The following PES1 variants were observed in gnomAD, a reference collection of about 807,000 sequenced individuals.
The protein encoded by PES1 is pescadillo ribosomal biogenesis factor 1, also known as pescadillo homolog.
A neutral mutation model predicts 77.1 loss-of-function variants in PES1; 31 were observed. The observed-to-expected ratio is 0.40, with a 90% confidence interval of 0.30 to 0.54. The LOEUF (loss-of-function observed/expected upper bound fraction) is 0.54, where lower values mean the gene tolerates loss of function less well. Ranked by LOEUF, PES1 falls within the 20% of genes least tolerant of loss-of-function variation. The probability of loss-of-function intolerance (pLI) is 0.45; values close to 1 mark genes in which losing one functional copy is unlikely to be tolerated. For synonymous variants in PES1, 282 were observed against 303.0 expected, an observed-to-expected ratio of 0.93 and a Z score of 0.72; for missense variants, 658 against 771.7, an observed-to-expected ratio of 0.85 and a Z score of 1.75.
upstream of PES1, among the ~76,000 whole-genome samples, chr22:30,596,036 T>C (rs890943999): frequency 1.3e-5 from 2 of 152,208 alleles, no homozygotes; most frequent in African/African-American, 4.8e-5. Flanking sequence ...GGACGCTAGC[T>C]GGCTACATAT....
rs2086969667 is a variant in PES1, at chr22:30,580,668, C to T, written c.946G>A (p.Glu316Lys). The stretch of plus-strand genomic sequence containing the variant: ...TTGTGCTTCTCCTGCGCCTCCAGCT[C>T]CTTCCTGCGGTCTTCCTCCTGCGCT... Reference protein sequence around the residue: ...MSAQEEDRRKELEAQEKHKKL... With the variant: ...MSAQEEDRRKKLEAQEKHKKL... Residue 316 changes from glutamate (E) to lysine (K), a missense_variant, in exon 10 of 15, where the codon GAG (glutamate) becomes AAG (lysine). Physicochemically the swap from Glu to Lys is moderately conservative, Grantham distance 56. Transcript: ENST00000354694. 1.2e-6 allele frequency: 2 copies of T among 1,613,534 alleles called. No homozygotes were observed. Among genetic ancestry groups the T allele is most frequent in the Non-Finnish European group, 1.7e-6 (2 of 1,180,022 alleles).
intron 7 of PES1, 47 bp from the exon 8 acceptor site, chr22:30,581,455 C>T (rs2086986602): frequency 6.2e-7 from 1 of 1,606,342 alleles, no homozygotes; most frequent in East Asian, 2.2e-5. Context: ...GCCACAGCCC[C>T]TCGCCTCTGT....
intron 2 of PES1, among the ~76,000 whole-genome samples, chr22:30,602,490 G>C (rs939930145): frequency 2.1e-5 from 3 of 144,072 alleles, no homozygotes; most frequent in East Asian, 2.0e-4. Context: ...CCAACGTGCT[G>C]CGATTACAGG....
intron 1 of PES1, among the ~76,000 whole-genome samples, chr22:30,591,176 G>C (rs1213265435): frequency 2.6e-5 from 4 of 152,090 alleles, no homozygotes; most frequent in Non-Finnish European, 5.9e-5. Flanking sequence ...ACTGCACTTA[G>C]AATAAAATCC....
At chr22:30,590,780 AG>A (rs1351489940) in intron 1 of PES1, among the ~76,000 whole-genome samples, 2 of 152,182 alleles carry the variant, frequency 1.3e-5, no homozygotes, top group Non-Finnish European at 2.9e-5. Context: ...ACTACACACA[AG>A]ACAATCCTTC....
chr22:30,602,437 A>T (rs1440285500), intron 2 of PES1, among the ~76,000 whole-genome samples: 7 of 52,304 alleles, frequency 1.3e-4, no homozygotes, highest in Admixed American at 2.1e-4. Flanking sequence ...GAAAACTAAT[A>T]CTTTTTTTTT....
rs1023349915 is a variant in PES1 at position 30,579,261 on chromosome 22, T to C, written c.1397A>G (p.Asn466Ser). 16 of 1,602,426 alleles carry C rather than the reference T, an allele frequency of 1.0e-5. No homozygotes were observed. The highest frequency in any genetic ancestry group is 1.4e-5 in the Non-Finnish European group (16 of 1,179,474). ...CTCTTCATCACCATCACCTTCGTTGTTGTCGTCCTCTTCCTCCTCCTCTTC... is the reference window on the plus strand; with the variant it reads ...CTCTTCATCACCATCACCTTCGTTGCTGTCGTCCTCTTCCTCCTCCTCTTC... ...ESEEEEEEDD[N>S]NEGDGDEEGE... The change falls in exon 13 of 15, where the codon AAC becomes AGC. Residue 466 changes from asparagine (N) to serine (S), a missense_variant. Coordinates refer to ENST00000354694, the MANE Select transcript of PES1 (RefSeq NM_014303.4).
At chr22:30,580,279 C>A in intron 10 of PES1, 101 bp from the exon 11 acceptor site, 1 of 1,451,980 alleles carries the variant, frequency 6.9e-7, no homozygotes, top group Non-Finnish European at 9.3e-7. Flanking sequence ...CATAAACTCA[C>A]CCTCTTAGGA....
intron 4 of PES1, 188 bp downstream of exon 4, chr22:30,587,098 A>T (rs980441656): frequency 3.5e-6 from 2 of 569,516 alleles, no homozygotes; most frequent in East Asian, 5.9e-5. Flanking sequence ...CCCTCTGACA[A>T]GCCTGTAACT....
Position 30,585,444 on chromosome 22 carries a change from G to A in PES1, c.369-727C>T, listed in dbSNP as rs183957363. 1.3e-3 allele frequency: 567 copies of A among 423,708 alleles called. 1 individual carries two copies. Among genetic ancestry groups the A allele is most frequent in the Non-Finnish European group, 2.3e-3 (457 of 202,250 alleles). 26.2% of individuals were successfully genotyped at this position (423,708 alleles called of 1,614,324 possible). ...GTAACGACACCTGGATTCCAGTCCC[G>A]GTCTGAGCTGTGACCCAGACTCTTC... On this transcript the variant is annotated intron_variant, in intron 4 of 14. Transcript: ENST00000354694.
At position 30,584,694 on chromosome 22, in the gene PES1, A is replaced by G. The variant is rs1202273856; in HGVS notation, c.392T>C (p.Leu131Pro). ...KERYPTFIDA[L>P]RDLDDALSMC... ...GGAGAGGGCATCGTCCAGGTCCCGC[A>G]GGGCATCGATGAACGTGGGATACCT... is the stretch of plus-strand genomic sequence containing the variant. Residue 131 changes from leucine (L) to proline (P), a missense_variant, in exon 5 of 15, where the codon CTG becomes CCG. Transcript: ENST00000354694. The G allele has an allele frequency of 1.9e-6, 3 of 1,613,682 alleles. No individual in the cohort carries two copies. The highest frequency in any genetic ancestry group is 2.5e-6 in the Non-Finnish European group (3 of 1,180,030).
At chr22:30,592,309 T>G (rs541376685), upstream of PES1, 790 of 991,946 alleles carry the variant, frequency 8.0e-4, no homozygotes, top group Middle Eastern at 5.6e-3. Context: ...CGGCTGCCGC[T>G]GCTGAGAAGC....
rs368459925 is a variant in PES1 at position 30,579,312 on chromosome 22, A to C, written c.1355-9T>G. The C allele has an allele frequency of 2.2e-5, 35 of 1,599,982 alleles. No homozygotes were observed. In the East Asian group the frequency reaches 2.9e-4, roughly 13 times the overall value. ...TGACTCATTCAGGTTTCCTAGAGAA[A>C]GCCAATGTCCTCTGAATGCCCTGGG... On this transcript the variant is annotated splice_polypyrimidine_tract_variant and intron_variant, in intron 12 of 14. Transcript: ENST00000354694.
intron 1 of PES1, 111 bp downstream of exon 1, chr22:30,591,699 G>T: frequency 8.0e-7 from 1 of 1,246,164 alleles, no homozygotes; most frequent in South Asian, 1.4e-5. Flanking sequence ...CGGTCACGTC[G>T]ATCCCGTCTT....
Position 30,578,941 on chromosome 22 carries a change from C to G in PES1, c.1579G>C (p.Glu527Gln), listed in dbSNP as rs759339558. 6.2e-7 allele frequency: 1 copy of G among 1,613,490 alleles called. No homozygotes were observed. The highest frequency in any genetic ancestry group is 1.3e-5 in the African/African-American group (1 of 75,062). The change falls in exon 14 of 15, where the codon GAG (glutamate) becomes CAG (glutamine). Residue 527 changes from glutamate to glutamine, a missense_variant. By Grantham distance (29) the Glu-to-Gln change is conservative (BLOSUM62 2). Coordinates refer to ENST00000354694, the MANE Select transcript of PES1 (RefSeq NM_014303.4). Reference protein sequence around the residue: ...KLEDKQRLAQEEESEAKRLAI... With the variant: ...KLEDKQRLAQQEESEAKRLAI... ...AGGCGCTTGGCCTCACTCTCCTCCT[C>G]CTGGGCCAGCCGCTGCTTATCCTCC...
At position 30,578,991 on chromosome 22, in the gene PES1, C is replaced by T. The variant is rs748641630; in HGVS notation, c.1529G>A (p.Arg510Lys). Residue 510 changes from arginine (R) to lysine (K), a missense_variant, in exon 14 of 15, where the codon AGG becomes AAG. Arg to Lys is a conservative substitution (Grantham distance 26, BLOSUM62 2). Coordinates refer to ENST00000354694, the MANE Select transcript of PES1 (RefSeq NM_014303.4). ...EEQRMEGKKP[R>K]VMAGTLKLED... ...CAGCTTCAAGGTGCCTGCCATCACC[C>T]TGGGCTTCTGGGGACACAAGGAGGG... The T allele has an allele frequency of 6.2e-7, 1 of 1,610,238 alleles. No individual in the cohort carries two copies. The highest frequency in any genetic ancestry group is 8.5e-7 in the Non-Finnish European group (1 of 1,180,004).
chr22:30,592,034 C>T (rs1192871598), upstream of PES1: 9 of 1,366,734 alleles, frequency 6.6e-6, no homozygotes, highest in Admixed American at 2.2e-4. Context: ...TGAAAAAAAT[C>T]ACTGAGAACA....
chr22:30,580,489 T>C lies in PES1; in HGVS notation c.1043+82A>G, dbSNP rs143686859. ...GAAGTGGAAACTGACACCATCCCAA[T>C]GTTACCGATGGGCACCAGGGCAGGA... On this transcript the variant is annotated intron_variant, in intron 10 of 14. Transcript: ENST00000354694. 853 of 1,540,296 alleles carry C rather than the reference T, an allele frequency of 5.5e-4. 9 individuals carry two copies. The East Asian group carries it at 0.017, about 30-fold the overall frequency.
At chr22:30,586,306 T>C (rs1001787402) in intron 4 of PES1, among the ~76,000 whole-genome samples, 2 of 152,190 alleles carry the variant, frequency 1.3e-5, no homozygotes, top group African/African-American at 4.8e-5. Context: ...ACCCAGCTCA[T>C]GTGCCACACA....
Sources: allele counts gnomAD v4.1 joint callset (sites outside exome capture counted in the v4.1 genomes callset), GRCh38; gene constraint gnomAD v4.1.1; transcripts MANE v1.5; gene names NCBI Gene and HGNC (gene_info 2026-07-23, HGNC 2026-07-21).